Variants in TOMM70 observed in about 807,000 individuals in gnomAD.
TOMM70 encodes translocase of outer mitochondrial membrane 70, also known as mitochondrial import receptor subunit TOM70.
A neutral mutation model predicts 73.6 loss-of-function variants in TOMM70; 13 were observed. The observed-to-expected ratio is 0.18, with a 90% CI of 0.11 to 0.28. The LOEUF (loss-of-function observed/expected upper bound fraction) is 0.28. Ranked by LOEUF, TOMM70 falls within the 10% of genes least tolerant of loss-of-function variation. The pLI is 1.00. For missense variants in TOMM70, 609 were observed against 747.5 expected (o/e 0.81, Z 2.16); for synonymous variants, 257 against 271.2 (o/e 0.95, Z 0.51).
intron 5 of TOMM70, among the ~76,000 whole-genome samples, chr3:100,381,038 G>C (rs1302703737): frequency 6.6e-6 from 1 of 152,144 alleles, no homozygotes; most frequent in African/African-American, 2.4e-5. Context: ...TGATAAATAC[G>C]AATGGAATAA....
At chr3:100,379,002 G>A (rs938213858) in intron 5 of TOMM70, among the ~76,000 whole-genome samples, 9 of 133,238 alleles carry the variant, frequency 6.8e-5, no homozygotes, top group South Asian at 2.5e-4. Flanking sequence ...GCGAGACTCC[G>A]TCTCAAATAA....
chr3:100,387,105 C>T, intron 1 of TOMM70, 127 bp from the exon 2 acceptor site: 1 of 918,308 alleles, frequency 1.1e-6, no homozygotes. Flanking sequence ...TTGCTTCATA[C>T]AAATATCTTC....
At chr3:100,395,002 T>A (rs2148894917) in intron 1 of TOMM70, among the ~76,000 whole-genome samples, 1 of 152,328 alleles carries the variant, frequency 6.6e-6, no homozygotes, top group Middle Eastern at 3.4e-3. Flanking sequence ...ACTTTTATAA[T>A]GACTGCTTCT....
chr3:100,400,800 C>A lies in TOMM70; in HGVS notation c.150G>T (p.Leu50=). 6.5e-7 allele frequency: 1 copy of A among 1,538,946 alleles called. No individual in the cohort carries two copies. The highest frequency in any genetic ancestry group is 2.5e-5 in the East Asian group (1 of 40,784). Residue 50 remains leucine (L), a synonymous_variant, in exon 1 of 12, where the codon CTG becomes CTT. Transcript: ENST00000284320. ...QLALAVGAPL[L]LGAGAIYLWS... Reference sequence around the variant, plus strand: ...ACAGGTATATGGCACCCGCGCCCAGCAGCAGGGGTGCCCCGACCGCCAGAG... The same window carrying A: ...ACAGGTATATGGCACCCGCGCCCAGAAGCAGGGGTGCCCCGACCGCCAGAG...
rs1706547092 is a variant in TOMM70, at chr3:100,375,042, T to C, written c.1203A>G (p.Ala401=). 6.2e-7 allele frequency: 1 copy of C among 1,608,346 alleles called. No individual in the cohort carries two copies. The highest frequency in any genetic ancestry group is 1.7e-5 in the Admixed American group (1 of 58,904). ...NMAADIDPQN[A]DVYHHRGQLK... is the part of the protein sequence containing the mutation. The stretch of plus-strand genomic sequence containing the variant: ...CCTGTCCTCGGTGGTGATAAACATC[T>C]GCATTCTGAGGATCGATGTCAGCAG... The change falls in exon 7 of 12, where the codon GCA becomes GCG. Residue 401 remains alanine (A), a synonymous_variant. Transcript: ENST00000284320.
At chr3:100,369,284 T>C (rs973580706) in intron 9 of TOMM70, 149 bp from the exon 10 acceptor site, 33 of 634,180 alleles carry the variant, frequency 5.2e-5, no homozygotes, top group Admixed American at 9.1e-5. Flanking sequence ...ATTTTACATC[T>C]TAATTATCGG....
chr3:100,371,261 T>TTC (rs1706507103), intron 9 of TOMM70, among the ~76,000 whole-genome samples: 2 of 99,372 alleles, frequency 2.0e-5, no homozygotes, highest in Non-Finnish European at 3.4e-5. Context: ...GCGATGGTAT[T>TTC]TTTTTTTTTT....
In TOMM70 at chr3:100,366,705, A is replaced by AT. The variant is rs1706450609; in HGVS notation, c.1674-989dup. Among the ~76,000 whole-genome samples, 8 of 152,348 alleles carry AT rather than the reference A, an allele frequency of 5.3e-5. No individual in the cohort carries two copies. In the South Asian group the frequency reaches 8.3e-4, roughly 16 times the overall value. On this transcript the variant is annotated intron_variant, in intron 11 of 11. Transcript: ENST00000284320. The stretch of plus-strand genomic sequence containing the variant: ...TATTTAATTGTAAGGTTCAGAATGG[A>AT]TTTTTTCAAAGTTCAATTAACGTGA...
chr3:100,380,608 T>C (rs577620601), intron 5 of TOMM70, among the ~76,000 whole-genome samples: 24 of 152,354 alleles, frequency 1.6e-4, no homozygotes, highest in African/African-American at 5.5e-4. Context: ...GTAAAGCTTT[T>C]AGAATAATGG....
At chr3:100,371,165 T>C (rs1040989309) in intron 9 of TOMM70, among the ~76,000 whole-genome samples, 2 of 152,110 alleles carry the variant, frequency 1.3e-5, no homozygotes, top group Non-Finnish European at 2.9e-5. Context: ...GTGAAATTGT[T>C]CTTATAACCT....
intron 5 of TOMM70, among the ~76,000 whole-genome samples, chr3:100,379,874 C>T (rs1251001250): frequency 6.6e-6 from 1 of 152,162 alleles, no homozygotes; most frequent in East Asian, 1.9e-4. Context: ...CCACCTCAGC[C>T]TCTCAAAGTG....
chr3:100,370,372 A>C (rs1244203113), intron 9 of TOMM70, among the ~76,000 whole-genome samples: 1 of 152,202 alleles, frequency 6.6e-6, no homozygotes, highest in Non-Finnish European at 1.5e-5. Flanking sequence ...ATAATATACC[A>C]TTAAGTGAGT....
At chr3:100,379,582 C>G (rs566194845) in intron 5 of TOMM70, among the ~76,000 whole-genome samples, 1 of 152,264 alleles carries the variant, frequency 6.6e-6, no homozygotes, top group East Asian at 1.9e-4. Context: ...GAGCTATGAT[C>G]GCAACACTCT....
chr3:100,369,752 C>T (rs544560433), intron 9 of TOMM70, among the ~76,000 whole-genome samples: 58 of 152,206 alleles, frequency 3.8e-4, no homozygotes, highest in African/African-American at 1.3e-3. Flanking sequence ...CCACCCACCT[C>T]GGCCTCCCAA....
intron 11 of TOMM70, among the ~76,000 whole-genome samples, chr3:100,366,271 C>T (rs28668548): frequency 0.011 from 1,722 of 152,302 alleles, 21 homozygotes; most frequent in African/African-American, 0.039. Flanking sequence ...TTCCTCACAC[C>T]TACTCAATAA....
At chr3:100,367,436 G>A (rs1485703065) in intron 11 of TOMM70, among the ~76,000 whole-genome samples, 1 of 152,102 alleles carries the variant, frequency 6.6e-6, no homozygotes, top group Admixed American at 6.5e-5. Flanking sequence ...TGATATATGA[G>A]CTCAAACCCT....
chr3:100,371,509 C>T (rs1420407267), intron 9 of TOMM70, among the ~76,000 whole-genome samples: 4 of 152,102 alleles, frequency 2.6e-5, no homozygotes, highest in South Asian at 4.1e-4. Context: ...TCAAGTGATC[C>T]GCCTGCCTCA....
At position 100,379,986 on chromosome 3, in the gene TOMM70, C is replaced by G. The variant is rs192518996; in HGVS notation, c.884+1629G>C. Reference sequence around the variant, plus strand: ...AAAATCTTATAAGCTCTATGCTAACCTCTCCTGTAATGACATTCCAATGTT... The same window carrying G: ...AAAATCTTATAAGCTCTATGCTAACGTCTCCTGTAATGACATTCCAATGTT... On this transcript the variant is annotated intron_variant, in intron 5 of 11. Transcript: ENST00000284320. Among the ~76,000 whole-genome samples the G allele has an allele frequency of 2.9e-3, 440 of 152,270 alleles. 9 individuals are homozygous for G. The highest frequency in any genetic ancestry group is 2.1e-3 in the African/African-American group (86 of 41,552).
chr3:100,400,542 G>A, intron 1 of TOMM70, 84 bp downstream of exon 1: 1 of 1,476,974 alleles, frequency 6.8e-7, no homozygotes, highest in South Asian at 1.2e-5. Flanking sequence ...TCCGTCTGAT[G>A]GGAAGCCCCC....
Sources: allele counts gnomAD v4.1 joint callset (sites outside exome capture counted in the v4.1 genomes callset), GRCh38; gene constraint gnomAD v4.1.1; transcripts MANE v1.5; gene names NCBI Gene and HGNC (gene_info 2026-07-23, HGNC 2026-07-21).